Variants in GALNT13 observed in about 807,000 individuals in gnomAD.
GALNT13 encodes the protein UDP-GalNAc:polypeptide N-acetylgalactosaminyltransferase 13.
GALNT13 carries 28 observed loss-of-function variants against 64.2 expected under a neutral mutation model. The observed-to-expected ratio is 0.44, with a 90% CI of 0.32 to 0.60. The LOEUF (loss-of-function observed/expected upper bound fraction) is 0.60. Ranked by LOEUF, GALNT13 falls within the 20% of genes least tolerant of loss-of-function variation. The probability of loss-of-function intolerance (pLI) is 0.05; values close to 1 mark genes in which losing one functional copy is unlikely to be tolerated. For synonymous variants in GALNT13, 214 were observed against 224.6 expected (o/e 0.95, Z 0.42); for missense variants, 577 against 669.8 (o/e 0.86, Z 1.53).
At chr2:153,505,716 G>C in the GALNT13 span, among the ~76,000 whole-genome samples, 1 of 152,226 alleles carries the variant, frequency 6.6e-6, no homozygotes, top group East Asian at 1.9e-4. Flanking sequence ...TGTGGTCTGA[G>C]AGAGTACTTG....
chr2:153,630,264 A>G, the GALNT13 span, among the ~76,000 whole-genome samples: 3 of 151,884 alleles, frequency 2.0e-5, no homozygotes, highest in East Asian at 5.8e-4. Flanking sequence ...TCCAACAATG[A>G]TAGACTGGAT....
intron 3 of GALNT13, among the ~76,000 whole-genome samples, chr2:154,135,514 A>T (rs545683467): frequency 6.6e-6 from 1 of 152,324 alleles, no homozygotes; most frequent in African/African-American, 2.4e-5. Context: ...TTTCAAAGGG[A>T]TGCTAAATGA....
At chr2:154,098,791 A>G (rs972169880) in intron 3 of GALNT13, among the ~76,000 whole-genome samples, 5 of 152,080 alleles carry the variant, frequency 3.3e-5, no homozygotes, top group Non-Finnish European at 7.4e-5. Flanking sequence ...CATGGGGTAT[A>G]TATACCACAT....
chr2:153,885,765 A>G (rs1687130496), intron 1 of GALNT13, among the ~76,000 whole-genome samples: 1 of 152,092 alleles, frequency 6.6e-6, no homozygotes, highest in African/African-American at 2.4e-5. Flanking sequence ...TGCTCTTGAA[A>G]TGTTCACTCC....
the GALNT13 span, among the ~76,000 whole-genome samples, chr2:153,726,883 T>C: frequency 7.0e-6 from 1 of 143,270 alleles, no homozygotes; most frequent in African/African-American, 2.6e-5. Context: ...GAGCTTGCAG[T>C]GAGCCGAAAT....
At chr2:153,497,522 A>ATTTTTTTATTTTTTTT in the GALNT13 span, among the ~76,000 whole-genome samples, 1 of 36,898 alleles carries the variant, frequency 2.7e-5, no homozygotes, top group Non-Finnish European at 4.8e-5. Flanking sequence ...TTTCTCCCGC[A>ATTTTTTTATTTTTTTT]TTTTTTTTTT....
At chr2:153,632,957 C>T in the GALNT13 span, among the ~76,000 whole-genome samples, 3 of 151,968 alleles carry the variant, frequency 2.0e-5, no homozygotes, top group African/African-American at 7.3e-5. Context: ...GATGTGGTTT[C>T]ACTATGTTGG....
At chr2:153,803,984 C>G in the GALNT13 span, among the ~76,000 whole-genome samples, 3 of 152,118 alleles carry the variant, frequency 2.0e-5, no homozygotes, top group African/African-American at 7.2e-5. Flanking sequence ...TTTCATCCCT[C>G]GAACATTTAA....
At chr2:154,110,814 G>C (rs1369670464) in intron 3 of GALNT13, among the ~76,000 whole-genome samples, 1 of 151,966 alleles carries the variant, frequency 6.6e-6, no homozygotes, top group African/African-American at 2.4e-5. Flanking sequence ...CCTTCTCAAC[G>C]TGAACTCATA....
intron 4 of GALNT13, among the ~76,000 whole-genome samples, chr2:154,202,202 G>C (rs1440102984): frequency 6.6e-6 from 1 of 152,058 alleles, no homozygotes; most frequent in Admixed American, 6.6e-5. Context: ...CTGTGGAAAA[G>C]ATAAAAACTT....
chr2:153,083,809 C>G, the GALNT13 span, among the ~76,000 whole-genome samples: 7 of 152,256 alleles, frequency 4.6e-5, no homozygotes, highest in African/African-American at 1.7e-4. Context: ...GAAATCTTTG[C>G]CTAAGCCAAT....
intron 1 of GALNT13, among the ~76,000 whole-genome samples, chr2:153,883,755 GA>G (rs1188990762): frequency 2.6e-5 from 4 of 151,646 alleles, no homozygotes; most frequent in African/African-American, 4.8e-5. Flanking sequence ...AATGTACAAA[GA>G]AAAAAAGTAG....
chr2:153,122,560 C>T, the GALNT13 span, among the ~76,000 whole-genome samples: 13 of 152,116 alleles, frequency 8.5e-5, no homozygotes, highest in South Asian at 2.1e-4. Context: ...CCTACATTTT[C>T]TGATTAAGAG....
At chr2:154,416,402 G>A (rs1451300279) in intron 11 of GALNT13, among the ~76,000 whole-genome samples, 1 of 152,016 alleles carries the variant, frequency 6.6e-6, no homozygotes, top group Non-Finnish European at 1.5e-5. Context: ...ATTCCTCGGG[G>A]CAGAGACTTC....
At chr2:154,400,088 G>A (rs932773131) in intron 10 of GALNT13, among the ~76,000 whole-genome samples, 2 of 152,104 alleles carry the variant, frequency 1.3e-5, no homozygotes, top group Non-Finnish European at 2.9e-5. Flanking sequence ...GCATGGCCAC[G>A]TATACATAAT....
At chr2:154,115,113 A>G (rs1703213175) in intron 3 of GALNT13, among the ~76,000 whole-genome samples, 3 of 152,178 alleles carry the variant, frequency 2.0e-5, no homozygotes, top group Admixed American at 1.3e-4. Flanking sequence ...AGCCGGGATG[A>G]GTATGTCTAA....
At chr2:153,321,209 A>G in the GALNT13 span, among the ~76,000 whole-genome samples, 2 of 152,220 alleles carry the variant, frequency 1.3e-5, no homozygotes, top group Non-Finnish European at 2.9e-5. Flanking sequence ...CTATTTGTCA[A>G]ATGTCATCAC....
intron 4 of GALNT13, among the ~76,000 whole-genome samples, chr2:154,205,363 C>A (rs1347992413): frequency 1.3e-5 from 2 of 151,932 alleles, no homozygotes; most frequent in African/African-American, 2.4e-5. Context: ...ACTAGTTATT[C>A]GAGGGTACTG....
intron 4 of GALNT13, among the ~76,000 whole-genome samples, chr2:154,148,417 T>A (rs1047646024): frequency 6.6e-6 from 1 of 152,220 alleles, no homozygotes; most frequent in Non-Finnish European, 1.5e-5. Context: ...GCAGCATGAT[T>A]TATAGTCCTT....
Sources: gnomAD v4.1 joint callset for allele counts (sites outside exome capture counted in the v4.1 genomes callset) on GRCh38, gnomAD v4.1.1 for gene constraint, MANE v1.5 for transcripts, NCBI Gene and HGNC (gene_info 2026-07-23, HGNC 2026-07-21) for gene names.